ESPN: variants seen among roughly 807,000 people sequenced by gnomAD.
ESPN encodes the protein espin.
In ESPN, 68 loss-of-function variants were observed where a neutral mutation model predicts 77.7. That is an observed-to-expected ratio of 0.87 (90% CI 0.72 to 1.07). The LOEUF is 1.07. Ranked by LOEUF, ESPN falls within the 50% of genes least tolerant of loss-of-function variation. The probability of loss-of-function intolerance (pLI) is 0.00; values close to 1 mark genes in which losing one functional copy is unlikely to be tolerated. For synonymous variants in ESPN, 449 were observed against 567.1 expected, an observed-to-expected ratio of 0.79 and a Z score of 2.96; for missense variants, 1,060 against 1,239.0, an observed-to-expected ratio of 0.86 and a Z score of 2.17.
chr1:6,457,448 C>T, intron 12 of ESPN, 76 bp downstream of exon 12: 1 of 1,570,454 alleles, frequency 6.4e-7, no homozygotes, highest in East Asian at 2.2e-5. Flanking sequence ...TCATCCAGGC[C>T]AATTTGAGTA....
At chr1:6,432,974 T>G (rs1643302301) in intron 2 of ESPN, among the ~76,000 whole-genome samples, 1 of 150,864 alleles carries the variant, frequency 6.6e-6, no homozygotes. Context: ...ATACAGAAAT[T>G]AGCTGGGTGT....
rs1197774857 is a variant in ESPN at position 6,450,268 on chromosome 1, A to C, written c.1915+1177A>C. On this transcript the variant is annotated intron_variant, in intron 8 of 12. Coordinates refer to ENST00000645284, the MANE Select transcript of ESPN (RefSeq NM_031475.3). This position sits in a 1 kb window ranked among gnomAD's most constrained non-coding sequence, Gnocchi z 4.3. The stretch of plus-strand genomic sequence containing the variant: ...GCCAGGAACTCGATGGACCACCCTC[A>C]TGGGGCCCCAGAGCAGCCTGAGCCA... 1 of 155,978 alleles carries C rather than the reference A, an allele frequency of 6.4e-6. No homozygotes were observed. Among genetic ancestry groups the C allele is most frequent in the Non-Finnish European group, 1.4e-5 (1 of 71,302 alleles). The allele number at this position is 155,978 out of a possible 1,614,324, so 9.7% of individuals were successfully genotyped here.
chr1:6,457,039 G>A (rs1268902317), intron 10 of ESPN, 145 bp from the exon 11 acceptor site: 14 of 828,042 alleles, frequency 1.7e-5, no homozygotes, highest in Non-Finnish European at 2.8e-5. Context: ...GAGGGGGTGT[G>A]ACCAGGCACC....
intron 2 of ESPN, among the ~76,000 whole-genome samples, chr1:6,433,938 G>A (rs148877431): frequency 0.011 from 1,684 of 152,204 alleles, 32 homozygotes; most frequent in African/African-American, 0.039. Flanking sequence ...CTTGAGTCTC[G>A]CTCTATCGCC....
In ESPN at chr1:6,450,129, C is replaced by T. The variant is rs1273918843; in HGVS notation, c.1915+1038C>T. 2.0e-5 allele frequency among the ~76,000 whole-genome samples: 3 copies of T among 152,182 alleles called. No homozygotes were observed. The highest frequency in any genetic ancestry group is 7.2e-5 in the African/African-American group (3 of 41,436). On this transcript the variant is annotated intron_variant, in intron 8 of 12. Coordinates refer to ENST00000645284, the MANE Select transcript of ESPN (RefSeq NM_031475.3). The surrounding 1 kb of genome is among the most constrained non-coding windows in gnomAD (Gnocchi z 4.3). ...TACTCTGGGCTTCCCGAGACACCCT[C>T]ACCCAGCACAGCCAGGGCTGGGTGC... is the stretch of plus-strand genomic sequence containing the variant.
intron 6 of ESPN, 86 bp from the exon 7 acceptor site, chr1:6,445,578 T>C: frequency 6.7e-7 from 1 of 1,489,352 alleles, no homozygotes. Context: ...CCTCGGCAAG[T>C]TGTTTCCAGG....
Position 6,444,525 on chromosome 1 carries a change from G to T in ESPN, c.1035G>T (p.Leu345=). ...RVLSRDPSAE[L]EAKQPDSGMS... is the part of the protein sequence containing the mutation. The stretch of plus-strand genomic sequence containing the variant: ...TTTCCCGGGATCCATCCGCAGAGCT[G>T]GAGGCTAAGCAGCCGGATTCAGGCA... The change falls in exon 6 of 13, where the codon CTG becomes CTT. Residue 345 remains leucine (L), a synonymous_variant. Transcript: ENST00000645284. The T allele has an allele frequency of 6.2e-7, 1 of 1,614,214 alleles. No individual in the cohort carries two copies. The highest frequency in any genetic ancestry group is 1.1e-5 in the South Asian group (1 of 91,084).
intron 7 of ESPN, 114 bp from the exon 8 acceptor site, chr1:6,448,527 C>A: frequency 1.1e-6 from 1 of 898,462 alleles, no homozygotes; most frequent in Non-Finnish European, 1.6e-6. Context: ...AGCTGCTGCA[C>A]CCCTCGACGG....
At chr1:6,438,285 C>T (rs1643505930) in intron 2 of ESPN, among the ~76,000 whole-genome samples, 1 of 152,196 alleles carries the variant, frequency 6.6e-6, no homozygotes, top group Non-Finnish European at 1.5e-5. Flanking sequence ...GGCTGGTCCT[C>T]CCAGGCACAA....
In ESPN at chr1:6,425,710, T is replaced by C. The variant is rs570316704; in HGVS notation, c.294+461T>C. On this transcript the variant is annotated intron_variant, in intron 1 of 12. Transcript: ENST00000645284. ...CAGCCAGGGTGTGGGGGAAGGGTGA[T>C]GAGCCGTGGTAAATGGGGGTCTCCC... Among the ~76,000 whole-genome samples, 248 of 152,224 alleles carry C rather than the reference T, an allele frequency of 1.6e-3. 1 individual carries two copies. The highest frequency in any genetic ancestry group is 5.5e-3 in the African/African-American group (230 of 41,548).
At chr1:6,453,395 G>C (rs557255284) in intron 10 of ESPN, among the ~76,000 whole-genome samples, 1 of 152,370 alleles carries the variant, frequency 6.6e-6, no homozygotes, top group East Asian at 1.9e-4. Flanking sequence ...GGGAACGCAG[G>C]GGACTGGGGC....
intron 8 of ESPN, among the ~76,000 whole-genome samples, chr1:6,449,685 G>A (rs1304944600): frequency 8.5e-5 from 13 of 152,224 alleles, no homozygotes; most frequent in Admixed American, 1.3e-4. Context: ...GGCTATGGGG[G>A]CAAAGCTGTG....
chr1:6,456,203 G>A (rs1644055519), intron 10 of ESPN: 2 of 397,386 alleles, frequency 5.0e-6, no homozygotes, highest in Admixed American at 4.4e-5. Context: ...TCTGAGCAGC[G>A]GAATTCGGAA....
rs762965431 is a variant in ESPN at position 6,440,943 on chromosome 1, A to G, written c.868A>G (p.Ile290Val). ...AENGELECCQ[I>V]LVVNGAELDV... Reference sequence around the variant, plus strand: ...CTGCGTGCCCCCGCAGTGCTGCCAGATCCTGGTAGTGAACGGCGCGGAGCT... The same window carrying G: ...CTGCGTGCCCCCGCAGTGCTGCCAGGTCCTGGTAGTGAACGGCGCGGAGCT... Residue 290 changes from isoleucine (I) to valine (V), a missense_variant, in exon 5 of 13, where the codon ATC becomes GTC. By Grantham distance (29) the Ile-to-Val change is conservative. This residue lies in a region of ESPN where 556 missense variants were observed against 633.6 expected (regional missense o/e 0.88). Coordinates refer to ENST00000645284, the MANE Select transcript of ESPN (RefSeq NM_031475.3). 2.6e-5 allele frequency: 41 copies of G among 1,585,168 alleles called. 1 individual carries two copies. In the South Asian group the frequency reaches 4.2e-4, roughly 16 times the overall value.
rs1055238722 is a variant in ESPN at position 6,427,175 on chromosome 1, G to A, written c.295-1051G>A. 6.6e-6 allele frequency among the ~76,000 whole-genome samples: 1 copy of A among 152,086 alleles called. No homozygotes were observed. The highest frequency in any genetic ancestry group is 2.4e-5 in the African/African-American group (1 of 41,404). ...CTCTCTCTGGGCAAGGCGGGGCAGA[G>A]AGGCTTTACTCCCTGATCCTAGTGA... is the stretch of plus-strand genomic sequence containing the variant. On this transcript the variant is annotated intron_variant, in intron 1 of 12. Coordinates refer to ENST00000645284, the MANE Select transcript of ESPN (RefSeq NM_031475.3). The surrounding 1 kb of genome is among the most constrained non-coding windows in gnomAD (Gnocchi z 4.6).
intron 12 of ESPN, among the ~76,000 whole-genome samples, chr1:6,459,323 C>T (rs905563043): frequency 1.3e-5 from 2 of 152,014 alleles, no homozygotes; most frequent in African/African-American, 4.8e-5. Context: ...GGGAGGATTA[C>T]GTGAGCCCAG....
At position 6,441,865 on chromosome 1, in the gene ESPN, C is replaced by T. The variant is rs556734824; in HGVS notation, c.990+800C>T. On this transcript the variant is annotated intron_variant, in intron 5 of 12. Transcript: ENST00000645284. ...ACCGTCTGTCCATCTGCCCTCCCCCCCCCAGCACAGGGGGATGGTCCTGGC... is the reference window on the plus strand; with the variant it reads ...ACCGTCTGTCCATCTGCCCTCCCCCTCCCAGCACAGGGGGATGGTCCTGGC... Among the ~76,000 whole-genome samples, 6 of 152,306 alleles carry T rather than the reference C, an allele frequency of 3.9e-5. No homozygotes were observed. In the South Asian group the frequency reaches 1.2e-3, roughly 32 times the overall value.
intron 8 of ESPN, among the ~76,000 whole-genome samples, chr1:6,449,624 G>A (rs1643911249): frequency 6.6e-6 from 1 of 152,236 alleles, no homozygotes. Context: ...AGATATGCCA[G>A]GAACTCTTCC....
Position 6,460,494 on chromosome 1 carries a change from T to G in ESPN, c.*348T>G. 4.8e-6 allele frequency: 1 copy of G among 208,790 alleles called. No individual in the cohort carries two copies. The highest frequency in any genetic ancestry group is 9.7e-6 in the Non-Finnish European group (1 of 102,686). 12.9% of individuals were successfully genotyped at this position (208,790 alleles called of 1,614,324 possible). ...TGGTGACTTTGTTTTCCTGCGGGGC[T>G]CAGCCCCCTCCAGGATGCAGCCCCC... is the stretch of plus-strand genomic sequence containing the variant. On this transcript the variant is annotated 3_prime_UTR_variant, in exon 13 of 13. Coordinates refer to ENST00000645284, the MANE Select transcript of ESPN (RefSeq NM_031475.3).
Sources: allele counts gnomAD v4.1 joint callset (sites outside exome capture counted in the v4.1 genomes callset), GRCh38; gene constraint gnomAD v4.1.1; regional missense constraint gnomAD v4.1.1; non-coding constraint Gnocchi (gnomAD v3.1); transcripts MANE v1.5; gene names NCBI Gene and HGNC (gene_info 2026-07-23, HGNC 2026-07-21).